The following STPG2 variants were observed in gnomAD, a reference collection of about 807,000 sequenced individuals.
The protein encoded by STPG2 is sperm tail PG-rich repeat containing 2.
Under a neutral mutation model 54.2 loss-of-function variants are expected in STPG2, and 56 were observed. The ratio of observed to expected loss-of-function variants is 1.03; its 90% CI spans 0.83 to 1.29. The LOEUF (loss-of-function observed/expected upper bound fraction) is 1.29. Ranked by LOEUF, STPG2 falls within the 50% of genes most tolerant of loss-of-function variation. The pLI, the probability that STPG2 is intolerant of heterozygous loss-of-function variation, is 0.00. For synonymous variants in STPG2, 200 were observed against 181.8 expected (o/e 1.10, Z -0.81); for missense variants, 596 against 544.9 (o/e 1.09, Z -0.93).
At chr4:98,109,113 C>A in intron 4 of STPG2, 80 bp downstream of exon 4, 2 of 806,450 alleles carry the variant, frequency 2.5e-6, no homozygotes, top group Non-Finnish European at 3.7e-6. Flanking sequence ...CCTTTCTTTA[C>A]AGCATAGCCT....
At chr4:98,088,471 A>G (rs1413677177) in intron 5 of STPG2, among the ~76,000 whole-genome samples, 1 of 152,070 alleles carries the variant, frequency 6.6e-6, no homozygotes, top group African/African-American at 2.4e-5. Context: ...CTAAAACCCT[A>G]ATGAAACTAG....
intron 9 of STPG2, among the ~76,000 whole-genome samples, chr4:97,741,767 G>C (rs1443482442): frequency 6.6e-5 from 10 of 151,792 alleles, no homozygotes; most frequent in Admixed American, 5.9e-4. Flanking sequence ...CTGTTGGTGG[G>C]ACTGTAAACT....
intron 8 of STPG2, among the ~76,000 whole-genome samples, chr4:97,860,810 A>T (rs1267401693): frequency 1.3e-5 from 2 of 152,152 alleles, no homozygotes; most frequent in Non-Finnish European, 2.9e-5. Context: ...TTCAACTACT[A>T]TGTGGAATAG....
chr4:98,130,160 G>A (rs1019768712), intron 2 of STPG2, among the ~76,000 whole-genome samples: 5 of 150,032 alleles, frequency 3.3e-5, no homozygotes, highest in Admixed American at 6.7e-5. Flanking sequence ...GTGCCCAGTC[G>A]TTTTTCTTTT....
At chr4:97,912,920 T>C (rs913663546) in intron 8 of STPG2, among the ~76,000 whole-genome samples, 3 of 152,216 alleles carry the variant, frequency 2.0e-5, no homozygotes, top group Non-Finnish European at 4.4e-5. Flanking sequence ...ATTGTACTAA[T>C]GACCCAATAA....
At chr4:97,671,523 C>T (rs1331016328) in intron 10 of STPG2, among the ~76,000 whole-genome samples, 2 of 152,128 alleles carry the variant, frequency 1.3e-5, no homozygotes, top group African/African-American at 4.8e-5. Flanking sequence ...CTCCACAAAA[C>T]AACTAAATGT....
chr4:97,874,777 T>C (rs1730113735), intron 8 of STPG2, among the ~76,000 whole-genome samples: 1 of 151,512 alleles, frequency 6.6e-6, no homozygotes, highest in African/African-American at 2.4e-5. Context: ...TATTTCGAAA[T>C]GGGGCCTTTA....
chr4:97,837,577 A>T (rs165252), intron 9 of STPG2, among the ~76,000 whole-genome samples: 17 of 151,246 alleles, frequency 1.1e-4, no homozygotes, highest in African/African-American at 1.5e-4. Flanking sequence ...TAATGTGATA[A>T]GCCTCATTTA....
chr4:97,516,437 G>GA (rs1731076415), intron 4 of STPG2, among the ~76,000 whole-genome samples: 1 of 152,002 alleles, frequency 6.6e-6, no homozygotes, highest in Admixed American at 6.6e-5. Flanking sequence ...TACACTTGGA[G>GA]CAAGCTTTAG....
chr4:97,929,959 G>A lies in STPG2; in HGVS notation c.1044+13938C>T, dbSNP rs1011885080. Among the ~76,000 whole-genome samples the A allele has an allele frequency of 2.0e-5, 3 of 152,214 alleles. No homozygotes were observed. The South Asian group carries it at 6.2e-4, about 32-fold the overall frequency. ...CCTATCACCAGGCTGGAGTGCACTGGCATGATCTCAGCTCACTGCAACCTC... is the reference window on the plus strand; with the variant it reads ...CCTATCACCAGGCTGGAGTGCACTGACATGATCTCAGCTCACTGCAACCTC... On this transcript the variant is annotated intron_variant, in intron 8 of 10. Coordinates refer to ENST00000295268, the MANE Select transcript of STPG2 (RefSeq NM_174952.3).
chr4:97,899,934 C>T lies in STPG2; in HGVS notation c.1044+43963G>A, dbSNP rs563576800. On this transcript the variant is annotated intron_variant, in intron 8 of 10. Coordinates refer to ENST00000295268, the MANE Select transcript of STPG2 (RefSeq NM_174952.3). ...GGGCAAAGATTTCATGACAAAGATA[C>T]TGAAAGCAATCACAACAAAAGCAAA... 1.1e-3 allele frequency among the ~76,000 whole-genome samples: 164 copies of T among 151,158 alleles called. 2 individuals carry two copies. The South Asian group carries it at 0.019, about 18-fold the overall frequency.
chr4:98,101,363 G>A (rs1382067140), intron 5 of STPG2, among the ~76,000 whole-genome samples: 1 of 152,166 alleles, frequency 6.6e-6, no homozygotes, highest in Non-Finnish European at 1.5e-5. Flanking sequence ...GATCCCATGA[G>A]TAAGGGAGTT....
chr4:97,906,883 A>G (rs915395154), intron 8 of STPG2, among the ~76,000 whole-genome samples: 1 of 152,150 alleles, frequency 6.6e-6, no homozygotes, highest in Non-Finnish European at 1.5e-5. Flanking sequence ...AATAAGAGCT[A>G]TCTATGACAA....
chr4:97,496,526 T>A (rs779209728), intron 4 of STPG2, among the ~76,000 whole-genome samples: 1 of 151,880 alleles, frequency 6.6e-6, no homozygotes, highest in South Asian at 2.1e-4. Context: ...TGAGAATTAC[T>A]GCACTGCCAT....
intron 8 of STPG2, among the ~76,000 whole-genome samples, chr4:97,909,227 GAAC>G (rs1731582278): frequency 6.6e-6 from 1 of 151,578 alleles, no homozygotes; most frequent in East Asian, 1.9e-4. Context: ...AGCACATTAT[GAAC>G]AACTTTATGC....
intron 7 of STPG2, among the ~76,000 whole-genome samples, chr4:97,958,439 C>A (rs1384657251): frequency 6.6e-6 from 1 of 152,026 alleles, no homozygotes; most frequent in African/African-American, 2.4e-5. Flanking sequence ...TTAAAAAATA[C>A]AGAATTGCAG....
At chr4:97,504,534 A>T (rs1730805328) in intron 4 of STPG2, among the ~76,000 whole-genome samples, 1 of 151,942 alleles carries the variant, frequency 6.6e-6, no homozygotes, top group Admixed American at 6.6e-5. Context: ...GTAGTTTTTA[A>T]ATTCTAAGCT....
At chr4:97,796,003 G>C (rs561194443) in intron 9 of STPG2, among the ~76,000 whole-genome samples, 2 of 152,254 alleles carry the variant, frequency 1.3e-5, no homozygotes, top group South Asian at 2.1e-4. Context: ...GTCTTCCTTT[G>C]AGTAGTGTCT....
chr4:97,512,929 A>G (rs1731002750), intron 4 of STPG2, among the ~76,000 whole-genome samples: 1 of 152,052 alleles, frequency 6.6e-6, no homozygotes, highest in African/African-American at 2.4e-5. Context: ...GTTCAATTCA[A>G]TTCTGACACT....
Sources: allele counts gnomAD v4.1 joint callset (sites outside exome capture counted in the v4.1 genomes callset), GRCh38; gene constraint gnomAD v4.1.1; transcripts MANE v1.5; gene names NCBI Gene and HGNC (gene_info 2026-07-23, HGNC 2026-07-21).